Variants in NDUFC2 observed in about 807,000 individuals in gnomAD.
NDUFC2 encodes NADH:ubiquinone oxidoreductase subunit C2.
A neutral mutation model predicts 10.1 loss-of-function variants in NDUFC2; 2 were observed. That is an observed-to-expected ratio of 0.20 (90% confidence interval 0.08 to 0.62). NDUFC2 has a LOEUF of 0.62. Among genes scored for constraint, NDUFC2 ranks in the 20% least tolerant of loss-of-function variants. NDUFC2 has a pLI of 0.87. For synonymous variants in NDUFC2, 61 were observed against 63.6 expected (o/e 0.96, Z 0.20); for missense variants, 156 against 159.6 (o/e 0.98, Z 0.12).
chr11:78,077,291 CAA>C (rs56150653), intron 1 of NDUFC2, among the ~76,000 whole-genome samples: 17 of 113,066 alleles, frequency 1.5e-4, no homozygotes, highest in African/African-American at 9.8e-5. Flanking sequence ...GACCCTGTCT[CAA>C]AAAAAAAAAA....
rs765974704 is a variant in NDUFC2 at position 78,079,603 on chromosome 11, G to A, written c.142C>T (p.Arg48Trp). 26 of 1,557,762 alleles carry A rather than the reference G, an allele frequency of 1.7e-5. No individual in the cohort carries two copies. Among genetic ancestry groups the A allele is most frequent in the Non-Finnish European group, 1.7e-5 (19 of 1,151,344 alleles). The change falls in exon 1 of 3, where the codon CGG becomes TGG. Residue 48 changes from arginine to tryptophan, a missense_variant. Physicochemically the swap from Arg to Trp is moderately radical, Grantham distance 101 (BLOSUM62 -3). Transcript: ENST00000281031. ...YCSGLIDNLIRRRPIATAGLH... is the reference protein window; with the variant it reads ...YCSGLIDNLIWRRPIATAGLH... ...CCAGCCGTCGCGATCGGCCTCCGCC[G>A]GATTAGGTTATCAATCAGGCCGGAG... is the stretch of plus-strand genomic sequence containing the variant.
At position 78,069,905 on chromosome 11, in the gene NDUFC2, C is replaced by A. The variant is rs770248296; in HGVS notation, c.*82G>T. 1 of 1,613,222 alleles carries A rather than the reference C, an allele frequency of 6.2e-7. No individual in the cohort carries two copies. Among genetic ancestry groups the A allele is most frequent in the East Asian group, 2.2e-5 (1 of 44,872 alleles). On this transcript the variant is annotated 3_prime_UTR_variant, in exon 3 of 3. Coordinates refer to ENST00000281031, the MANE Select transcript of NDUFC2 (RefSeq NM_004549.6). ...GTGTCAACATACAGATTAGCATAAG[C>A]TTCAACTGTCATAAGAAACATGTTC...
intron 1 of NDUFC2, among the ~76,000 whole-genome samples, chr11:78,075,266 T>TAA: frequency 6.6e-6 from 1 of 152,284 alleles, no homozygotes; most frequent in East Asian, 1.9e-4. Context: ...GAAAAACTTA[T>TAA]AAAAAAATTC....
rs766199619 is a variant in NDUFC2 at position 78,069,985 on chromosome 11, C to T, written c.*2G>A. On this transcript the variant is annotated 3_prime_UTR_variant, in exon 3 of 3. Coordinates refer to ENST00000281031, the MANE Select transcript of NDUFC2 (RefSeq NM_004549.6). ...GAAACTGGAGCAAGCATTTTGAAGA[C>T]TTCAACGTATTGGATGGAATTTTTC... The T allele has an allele frequency of 6.2e-7, 1 of 1,611,350 alleles. No homozygotes were observed. The highest frequency in any genetic ancestry group is 1.1e-5 in the South Asian group (1 of 90,288).
At chr11:78,070,501 T>G (rs1473193627) in intron 2 of NDUFC2, among the ~76,000 whole-genome samples, 1 of 152,236 alleles carries the variant, frequency 6.6e-6, no homozygotes, top group African/African-American at 2.4e-5. Flanking sequence ...TTTTTTTAAT[T>G]ACCCAGTTTA....
rs1282476341 is a variant in NDUFC2 at position 78,069,838 on chromosome 11, A to G, written c.*149T>C. The G allele has an allele frequency of 6.5e-7, 1 of 1,532,150 alleles. No individual in the cohort carries two copies. The highest frequency in any genetic ancestry group is 1.9e-5 in the Admixed American group (1 of 52,468). 94.9% of individuals were successfully genotyped at this position (1,532,150 alleles called of 1,614,324 possible). ...ATGATGAACTATTTTTCTTACAACA[A>G]TAAAGAGTCAGAGTACTCATGGTAC... is the stretch of plus-strand genomic sequence containing the variant. On this transcript the variant is annotated 3_prime_UTR_variant, in exon 3 of 3. Transcript: ENST00000281031.
intron 1 of NDUFC2, 37 bp from the exon 2 acceptor site, chr11:78,073,178 A>G (rs1859090852): frequency 6.2e-7 from 1 of 1,612,428 alleles, no homozygotes; most frequent in Non-Finnish European, 8.5e-7. Flanking sequence ...GAAAGCAAAA[A>G]TTAGTCCATG....
chr11:78,075,578 T>G (rs1264731292), intron 1 of NDUFC2, among the ~76,000 whole-genome samples: 1 of 152,220 alleles, frequency 6.6e-6, no homozygotes, highest in African/African-American at 2.4e-5. Flanking sequence ...TAGAAATTCA[T>G]TATTATGAGA....
Position 78,073,157 on chromosome 11 carries a change from C to A in NDUFC2, c.167-16G>T. 1 of 1,611,922 alleles carries A rather than the reference C, an allele frequency of 6.2e-7. No individual in the cohort carries two copies. The highest frequency in any genetic ancestry group is 8.5e-7 in the Non-Finnish European group (1 of 1,179,676). ...CGATGCAAACCTGAAATTCAAATGA[C>A]AAATCCCAAAGAAAGCAAAAATTAG... On this transcript the variant is annotated splice_polypyrimidine_tract_variant and intron_variant, in intron 1 of 2. Transcript: ENST00000281031.
chr11:78,073,268 G>C lies in NDUFC2; in HGVS notation c.167-127C>G, dbSNP rs61900207. The C allele has an allele frequency of 8.7e-4, 1,210 of 1,393,280 alleles. 2 individuals are homozygous for C. The highest frequency in any genetic ancestry group is 1.1e-3 in the Non-Finnish European group (1,088 of 1,013,532). 86.3% of individuals were successfully genotyped at this position (1,393,280 alleles called of 1,614,324 possible). A position where few individuals can be genotyped will look rare whatever the true frequency, so the allele number is the denominator to read the frequency against. On this transcript the variant is annotated intron_variant, in intron 1 of 2. Transcript: ENST00000281031. ...GCACTTTGGGAGGCCAAGACAGGTG[G>C]ATCACCTGAGGTCAGGAGTTCGAGA...
In NDUFC2 at chr11:78,079,816, C is replaced by T. The variant is rs1176573500; in HGVS notation, c.-72G>A. ...AAGGAAAACCACGACGACCACTACC[C>T]CGGCCTAAGCGGTCAGCTTTCTCCT... On this transcript the variant is annotated 5_prime_UTR_variant, in exon 1 of 3. Coordinates refer to ENST00000281031, the MANE Select transcript of NDUFC2 (RefSeq NM_004549.6). The T allele has an allele frequency of 7.9e-6, 12 of 1,513,810 alleles. No homozygotes were observed. The highest frequency in any genetic ancestry group is 2.9e-5 in the African/African-American group (2 of 70,144). The allele number at this position is 1,513,810 out of a possible 1,614,324, so 93.8% of individuals were successfully genotyped here.
intron 1 of NDUFC2, among the ~76,000 whole-genome samples, chr11:78,078,875 C>T (rs1859371048): frequency 6.8e-6 from 1 of 147,596 alleles, no homozygotes; most frequent in South Asian, 2.2e-4. Context: ...CAGGCGTGCA[C>T]CACCACGCCC....
intron 2 of NDUFC2, 135 bp downstream of exon 2, chr11:78,072,863 G>C: frequency 8.0e-7 from 1 of 1,249,954 alleles, no homozygotes; most frequent in Non-Finnish European, 1.1e-6. Context: ...TAATTCAAGA[G>C]AATTTTGGTC....
intron 2 of NDUFC2, among the ~76,000 whole-genome samples, chr11:78,070,402 G>C (rs928728912): frequency 3.3e-5 from 5 of 152,094 alleles, no homozygotes; most frequent in African/African-American, 1.2e-4. Flanking sequence ...CCAGCCTCCA[G>C]AATTGCAAGC....
At chr11:78,074,894 G>C (rs1408671297) in intron 1 of NDUFC2, among the ~76,000 whole-genome samples, 2 of 152,152 alleles carry the variant, frequency 1.3e-5, no homozygotes, top group African/African-American at 2.4e-5. Context: ...GCTGACCCAT[G>C]TTCCTCACAG....
chr11:78,076,356 G>C (rs752205037), intron 1 of NDUFC2, among the ~76,000 whole-genome samples: 52 of 152,080 alleles, frequency 3.4e-4, no homozygotes, highest in Admixed American at 6.5e-4. Context: ...TGGTCAGGCT[G>C]GTCTTGAACT....
rs1176573500 is a variant in NDUFC2 at position 78,079,816 on chromosome 11, C to A, written c.-72G>T. On this transcript the variant is annotated 5_prime_UTR_variant, in exon 1 of 3. Transcript: ENST00000281031. The stretch of plus-strand genomic sequence containing the variant: ...AAGGAAAACCACGACGACCACTACC[C>A]CGGCCTAAGCGGTCAGCTTTCTCCT... 6.6e-7 allele frequency: 1 copy of A among 1,513,926 alleles called. No homozygotes were observed. Among genetic ancestry groups the A allele is most frequent in the Admixed American group, 2.5e-5 (1 of 39,586 alleles). The allele number at this position is 1,513,926 out of a possible 1,614,324, so 93.8% of individuals were successfully genotyped here.
chr11:78,071,817 T>A (rs1438301326), intron 2 of NDUFC2, among the ~76,000 whole-genome samples: 1 of 152,082 alleles, frequency 6.6e-6, no homozygotes, highest in Non-Finnish European at 1.5e-5. Context: ...AGAGGAAGAA[T>A]AACATAGCAG....
Position 78,070,021 on chromosome 11 carries a change from C to T in NDUFC2, c.326G>A (p.Gly109Asp), listed in dbSNP as rs770435839. The change falls in exon 3 of 3, where the codon GGT (glycine) becomes GAT (aspartate). Residue 109 changes from glycine (G) to aspartate (D), a missense_variant. By Grantham distance (94) the Gly-to-Asp change is moderately conservative (BLOSUM62 -1). Coordinates refer to ENST00000281031, the MANE Select transcript of NDUFC2 (RefSeq NM_004549.6). ...DFPEEDKKTY[G>D]EIFEKFHPIR ...TGGATGGAATTTTTCAAAAATTTCA[C>T]CATATGTTTTCTTATCTATAAAAGG... is the stretch of plus-strand genomic sequence containing the variant. 1.3e-6 allele frequency: 2 copies of T among 1,593,922 alleles called. No homozygotes were observed. Among genetic ancestry groups the T allele is most frequent in the African/African-American group, 1.3e-5 (1 of 74,330 alleles).
Sources: gnomAD v4.1 joint callset for allele counts (sites outside exome capture counted in the v4.1 genomes callset) on GRCh38, gnomAD v4.1.1 for gene constraint, MANE v1.5 for transcripts, NCBI Gene and HGNC (gene_info 2026-07-23, HGNC 2026-07-21) for gene names.